Variants in OXR1 observed in about 807,000 individuals in gnomAD.
The protein encoded by OXR1 is oxidation resistance protein 1.
In OXR1, 41 loss-of-function variants were observed where a neutral mutation model predicts 104.6. That is an observed-to-expected ratio of 0.39 (90% CI 0.31 to 0.51). OXR1 has a LOEUF of 0.51. Among genes scored for constraint, OXR1 ranks in the 20% least tolerant of loss-of-function variants. The pLI is 0.77. For synonymous variants in OXR1, 348 were observed against 348.4 expected (o/e 1.00, Z 0.01); for missense variants, 955 against 1,031.9 (o/e 0.93, Z 1.02).
At chr8:106,576,566 A>G (rs543768257) in intron 3 of OXR1, among the ~76,000 whole-genome samples, 1 of 152,074 alleles carries the variant, frequency 6.6e-6, no homozygotes, top group East Asian at 1.9e-4. Flanking sequence ...TATCCAAAGT[A>G]AAAATAAATG....
Position 106,409,101 on chromosome 8 carries a change from C to G in OXR1, c.23+49465C>G, listed in dbSNP as rs572266804. Reference sequence around the variant, plus strand: ...CTCCCCTGGGGCTCTGCAGAAGCTTCCTACCTTTCAGAAGGTTTGTGTCCT... The same window carrying G: ...CTCCCCTGGGGCTCTGCAGAAGCTTGCTACCTTTCAGAAGGTTTGTGTCCT... On this transcript the variant is annotated intron_variant, in intron 2 of 16. Coordinates refer to ENST00000517566, the MANE Select transcript of OXR1 (RefSeq NM_001198533.2). 2.0e-5 allele frequency among the ~76,000 whole-genome samples: 3 copies of G among 152,214 alleles called. No individual in the cohort carries two copies. In the South Asian group the frequency reaches 6.2e-4, roughly 32 times the overall value.
At chr8:106,436,209 T>TA (rs1351091169) in intron 2 of OXR1, among the ~76,000 whole-genome samples, 1 of 152,170 alleles carries the variant, frequency 6.6e-6, no homozygotes, top group African/African-American at 2.4e-5. Context: ...TACAGTCACC[T>TA]AGACCCTTGC....
intron 11 of OXR1, among the ~76,000 whole-genome samples, chr8:106,735,366 A>G (rs1209040987): frequency 6.6e-6 from 1 of 152,128 alleles, no homozygotes; most frequent in African/African-American, 2.4e-5. Context: ...GAAAGAAACT[A>G]TGACTTTATC....
intron 2 of OXR1, among the ~76,000 whole-genome samples, chr8:106,502,970 C>T (rs998326570): frequency 2.6e-5 from 4 of 152,054 alleles, no homozygotes; most frequent in African/African-American, 4.8e-5. Context: ...GAAGGATTAC[C>T]CTCTTGCAAC....
intron 2 of OXR1, among the ~76,000 whole-genome samples, chr8:106,453,020 CTCTT>C (rs769890771): frequency 7.2e-5 from 11 of 152,084 alleles, no homozygotes; most frequent in Non-Finnish European, 1.0e-4. Context: ...TCTTTCTCAC[CTCTT>C]TGTTTTTGCA....
intron 3 of OXR1, among the ~76,000 whole-genome samples, chr8:106,676,046 C>A (rs570367019): frequency 6.6e-6 from 1 of 152,128 alleles, no homozygotes; most frequent in South Asian, 2.1e-4. Context: ...TAATGCCCTT[C>A]TTTGTCTTTT....
chr8:106,326,477 A>G (rs777561838), intron 1 of OXR1, among the ~76,000 whole-genome samples: 19 of 152,234 alleles, frequency 1.2e-4, no homozygotes, highest in Non-Finnish European at 2.6e-4. Flanking sequence ...TTTCTAGTCA[A>G]TGAAGATAGA....
intron 2 of OXR1, among the ~76,000 whole-genome samples, chr8:106,398,100 A>G (rs1045518444): frequency 6.6e-6 from 1 of 152,080 alleles, no homozygotes; most frequent in African/African-American, 2.4e-5. Flanking sequence ...CACCAGTCAT[A>G]TTGGATTAGG....
At chr8:106,539,039 T>A (rs897026961) in intron 3 of OXR1, among the ~76,000 whole-genome samples, 1 of 152,236 alleles carries the variant, frequency 6.6e-6, no homozygotes, top group African/African-American at 2.4e-5. Flanking sequence ...CTTCAAAGCC[T>A]GTCTTCCTTC....
intron 3 of OXR1, among the ~76,000 whole-genome samples, chr8:106,576,688 A>C (rs952698218): frequency 6.6e-6 from 1 of 152,058 alleles, no homozygotes; most frequent in African/African-American, 2.4e-5. Flanking sequence ...TCTCTTGAGT[A>C]ATATTTAAAT....
At chr8:106,455,896 G>T (rs1026691820) in intron 2 of OXR1, among the ~76,000 whole-genome samples, 1 of 152,126 alleles carries the variant, frequency 6.6e-6, no homozygotes, top group African/African-American at 2.4e-5. Context: ...CTTGCTTCTG[G>T]ACTGTACAAT....
At chr8:106,483,991 A>G (rs542973824) in intron 2 of OXR1, among the ~76,000 whole-genome samples, 169 of 152,244 alleles carry the variant, frequency 1.1e-3, no homozygotes, top group African/African-American at 3.9e-3. Context: ...TATGACTAGG[A>G]AATCTAGATT....
At chr8:106,750,254 A>G (rs1835764683) in intron 16 of OXR1, among the ~76,000 whole-genome samples, 2 of 151,472 alleles carry the variant, frequency 1.3e-5, no homozygotes, top group South Asian at 2.1e-4. Context: ...CTAATCCTAT[A>G]TAAAGTTCAT....
At chr8:106,380,539 C>T (rs1163574170) in intron 2 of OXR1, among the ~76,000 whole-genome samples, 1 of 152,192 alleles carries the variant, frequency 6.6e-6, no homozygotes, top group African/African-American at 2.4e-5. Flanking sequence ...TTTTGAGGAA[C>T]TTCCAATCTA....
At chr8:106,564,549 G>A (rs918401753) in intron 3 of OXR1, among the ~76,000 whole-genome samples, 3 of 152,108 alleles carry the variant, frequency 2.0e-5, no homozygotes, top group Non-Finnish European at 4.4e-5. Context: ...AATTCTACCA[G>A]AGGTACAAAG....
At chr8:106,303,244 C>G (rs1008464503) in intron 1 of OXR1, among the ~76,000 whole-genome samples, 1 of 111,538 alleles carries the variant, frequency 9.0e-6, no homozygotes, top group Non-Finnish European at 1.8e-5. Context: ...ATTTTTTTTT[C>G]TTTCTTTTTT....
chr8:106,481,883 A>G (rs780266486), intron 2 of OXR1, among the ~76,000 whole-genome samples: 1 of 152,052 alleles, frequency 6.6e-6, no homozygotes, highest in Non-Finnish European at 1.5e-5. Flanking sequence ...AGATGAAGTA[A>G]TTCTAATTTT....
intron 1 of OXR1, among the ~76,000 whole-genome samples, chr8:106,286,842 T>C (rs73698801): frequency 6.3e-4 from 96 of 152,288 alleles, no homozygotes; most frequent in African/African-American, 2.3e-3. Flanking sequence ...GTCTCTAACA[T>C]GAATAACAAG....
intron 2 of OXR1, among the ~76,000 whole-genome samples, chr8:106,390,866 T>C (rs143060209): frequency 3.3e-5 from 5 of 152,192 alleles, no homozygotes; most frequent in African/African-American, 1.2e-4. Flanking sequence ...CTTAAGTGAA[T>C]GATTCACTGG....
Sources: gnomAD v4.1 joint callset for allele counts (sites outside exome capture counted in the v4.1 genomes callset) on GRCh38, gnomAD v4.1.1 for gene constraint, MANE v1.5 for transcripts, NCBI Gene and HGNC (gene_info 2026-07-23, HGNC 2026-07-21) for gene names.